PER2: variants seen among roughly 807,000 people sequenced by gnomAD.
The protein encoded by PER2 is period circadian regulator 2.
In PER2, 66 loss-of-function variants were observed where a neutral mutation model predicts 121.0. The observed-to-expected ratio is 0.55, with a 90% confidence interval of 0.45 to 0.67. The LOEUF is 0.67. PER2 is among the 30% of genes least tolerant of loss of function. PER2 has a pLI of 0.00. For missense variants in PER2, 1,521 were observed against 1,635.0 expected (o/e 0.93, Z 1.20); for synonymous variants, 684 against 659.9 (o/e 1.04, Z -0.56).
intron 1 of PER2, among the ~76,000 whole-genome samples, chr2:238,283,282 T>C (rs1223119980): frequency 6.6e-6 from 1 of 152,258 alleles, no homozygotes; most frequent in African/African-American, 2.4e-5. Flanking sequence ...CCCAGCTGGA[T>C]GTCTCTGTAA....
chr2:238,258,474 C>G (rs1197310159), intron 15 of PER2, 23 bp downstream of exon 15: 1 of 1,613,890 alleles, frequency 6.2e-7, no homozygotes, highest in Non-Finnish European at 8.5e-7. Context: ...ATGGTGGAGA[C>G]TCGGCTGGAA....
At chr2:238,297,216 G>A in the PER2 span, among the ~76,000 whole-genome samples, 11 of 152,172 alleles carry the variant, frequency 7.2e-5, no homozygotes, top group African/African-American at 1.9e-4. Flanking sequence ...CAAAGAAGGC[G>A]AGAGGACCAG....
At chr2:238,283,592 C>T (rs975818365) in intron 1 of PER2, among the ~76,000 whole-genome samples, 2 of 152,226 alleles carry the variant, frequency 1.3e-5, no homozygotes, top group African/African-American at 2.4e-5. Context: ...GGTAGGAGGG[C>T]GGCAGCAAGG....
chr2:238,295,851 G>A, the PER2 span: 2 of 195,682 alleles, frequency 1.0e-5, no homozygotes, highest in South Asian at 7.4e-5. Flanking sequence ...TGGACTGTTG[G>A]GGTGCACAGA....
Position 238,253,020 on chromosome 2 carries a change from C to T in PER2, c.3003G>A (p.Glu1001=). 6.2e-7 allele frequency: 1 copy of T among 1,613,964 alleles called. No individual in the cohort carries two copies. The highest frequency in any genetic ancestry group is 8.5e-7 in the Non-Finnish European group (1 of 1,180,032). The part of the protein sequence containing the change: ...LNLLQLEEAP[E]GGTGAMGTTG... ...TGGTCCCCATGGCTCCAGTGCCACC[C>T]TCAGGGGCTTCCTCCAGCTGCAGCA... Residue 1001 remains glutamate, a synonymous_variant, in exon 19 of 23, where the codon GAG becomes GAA. Transcript: ENST00000254657. The surrounding 1 kb of genome is among the most constrained non-coding windows in gnomAD (Gnocchi z 5.6).
Position 238,277,758 on chromosome 2 carries a change from T to C in PER2, c.179A>G (p.Asp60Gly). The C allele has an allele frequency of 1.9e-6, 3 of 1,614,198 alleles. No individual in the cohort carries two copies. The highest frequency in any genetic ancestry group is 2.5e-6 in the Non-Finnish European group (3 of 1,180,016). Reference sequence around the variant, plus strand: ...CAGCATCCCCAGCTCCTTCCCACTGTCGTCACAGTCACTGCCCTGCGAGTC... The same window carrying C: ...CAGCATCCCCAGCTCCTTCCCACTGCCGTCACAGTCACTGCCCTGCGAGTC... ...GRDSQGSDCD[D>G]SGKELGMLVE... is the part of the protein sequence containing the mutation. Residue 60 changes from aspartate to glycine, a missense_variant, in exon 2 of 23, where the codon GAC becomes GGC. Physicochemically the swap from Asp to Gly is moderately conservative, Grantham distance 94. Coordinates refer to ENST00000254657, the MANE Select transcript of PER2 (RefSeq NM_022817.3).
the PER2 span, chr2:238,295,422 C>G: frequency 6.6e-6 from 1 of 152,040 alleles, no homozygotes; most frequent in Non-Finnish European, 1.5e-5. Flanking sequence ...TGCTGGAGTG[C>G]ATTGGTGCAA....
intron 8 of PER2, among the ~76,000 whole-genome samples, chr2:238,266,597 C>G (rs1384596546): frequency 6.6e-6 from 1 of 152,222 alleles, no homozygotes; most frequent in African/African-American, 2.4e-5. Flanking sequence ...TTGAAGGAGA[C>G]TGGTAATTTG....
chr2:238,293,854 G>A (rs74483710), upstream of PER2, among the ~76,000 whole-genome samples: 43 of 152,254 alleles, frequency 2.8e-4, no homozygotes, highest in East Asian at 7.5e-3. Context: ...GCTGTATGGC[G>A]CTCCTGGTTT....
intron 18 of PER2, 37 bp downstream of exon 18, chr2:238,255,620 T>G (rs1364778016): frequency 1.2e-6 from 2 of 1,611,500 alleles, no homozygotes; most frequent in Non-Finnish European, 1.7e-6. Flanking sequence ...AGGAATAAAG[T>G]TTTTTAAAAC....
rs140894506 is a variant in PER2 at position 238,250,568 on chromosome 2, C to A, written c.3450G>T (p.Thr1150=). The A allele has an allele frequency of 7.4e-6, 12 of 1,612,668 alleles. No homozygotes were observed. Among genetic ancestry groups the A allele is most frequent in the African/African-American group, 1.3e-5 (1 of 75,054 alleles). Reference sequence around the variant, plus strand: ...GTGGTTACCGGGAAGGCAGCTGGTACGTCATCATGACGCTGCTGTCCGCAT... The same window carrying A: ...GTGGTTACCGGGAAGGCAGCTGGTAAGTCATCATGACGCTGCTGTCCGCAT... ...MADADSSVMM[T]YQLPSRNLEA... is the part of the protein sequence containing the mutation. Residue 1150 remains threonine, a synonymous_variant, in exon 21 of 23, where the codon ACG becomes ACT. Coordinates refer to ENST00000254657, the MANE Select transcript of PER2 (RefSeq NM_022817.3).
upstream of PER2, among the ~76,000 whole-genome samples, chr2:238,293,965 C>T (rs974698237): frequency 6.6e-6 from 1 of 152,116 alleles, no homozygotes; most frequent in Non-Finnish European, 1.5e-5. Context: ...GGCTTCTGGG[C>T]AGCCAGTACC....
chr2:238,247,809 T>C (rs957465805), intron 22 of PER2, among the ~76,000 whole-genome samples: 2 of 152,176 alleles, frequency 1.3e-5, no homozygotes, highest in Non-Finnish European at 2.9e-5. Flanking sequence ...TGGTCAGATG[T>C]GTATGGCTTT....
chr2:238,293,498 G>C (rs1363763913), upstream of PER2, among the ~76,000 whole-genome samples: 1 of 152,116 alleles, frequency 6.6e-6, no homozygotes, highest in Non-Finnish European at 1.5e-5. Context: ...GACTTGGGAG[G>C]CTGAGGCAGG....
chr2:238,272,107 G>A (rs56051430), intron 5 of PER2, among the ~76,000 whole-genome samples: 16,682 of 152,280 alleles, frequency 0.11, 1,211 homozygotes, highest in Admixed American at 0.17. Context: ...GCCAAGCTGC[G>A]TTTCATGTTT....
Position 238,275,747 on chromosome 2 carries a change from C to G in PER2, c.444G>C (p.Val148=), listed in dbSNP as rs1318640425. ...AGATGTGCGAGGCCGACGTACCTTT[C>G]ACCTGCTTCACGCTCCTGAGGGCGT... ...LKYALRSVKQ[V]KANEEYYQLL... is the part of the protein sequence containing the mutation. The change falls in exon 4 of 23, where the codon GTG becomes GTC. Residue 148 remains valine, a synonymous_variant. Coordinates refer to ENST00000254657, the MANE Select transcript of PER2 (RefSeq NM_022817.3). 2 of 1,614,104 alleles carry G rather than the reference C, an allele frequency of 1.2e-6. No homozygotes were observed. The highest frequency in any genetic ancestry group is 1.7e-6 in the Non-Finnish European group (2 of 1,180,002).
At chr2:238,250,856 T>C in intron 20 of PER2, 113 bp from the exon 21 acceptor site, 2 of 742,858 alleles carry the variant, frequency 2.7e-6, no homozygotes, top group Non-Finnish European at 4.7e-6. Context: ...CCTTCTTAGG[T>C]ATTGGGTATC....
chr2:238,263,861 C>T lies in PER2; in HGVS notation c.1047-803G>A, dbSNP rs188098336. 1.1e-4 allele frequency among the ~76,000 whole-genome samples: 16 copies of T among 152,256 alleles called. No homozygotes were observed. In the East Asian group the frequency reaches 3.1e-3, roughly 29 times the overall value. ...TGTCTGAGGCTCTCTCTTCAGGCCT[C>T]ATGTTTTCCTTTGGACAGGATATAC... On this transcript the variant is annotated intron_variant, in intron 9 of 22. Coordinates refer to ENST00000254657, the MANE Select transcript of PER2 (RefSeq NM_022817.3).
upstream of PER2, chr2:238,289,284 T>TTCATTCATTTACTCATTCACTCAC (rs1260010857): frequency 6.6e-6 from 1 of 152,186 alleles, no homozygotes. Flanking sequence ...CGCATTCACA[T>TTCATTCATTTACTCATTCACTCAC]TCATTCATTT....
Sources: allele counts gnomAD v4.1 joint callset (sites outside exome capture counted in the v4.1 genomes callset), GRCh38; gene constraint gnomAD v4.1.1; non-coding constraint Gnocchi (gnomAD v3.1); transcripts MANE v1.5; gene names NCBI Gene and HGNC (gene_info 2026-07-23, HGNC 2026-07-21).